The following CHORDC1 variants were observed in gnomAD, a reference collection of about 807,000 sequenced individuals.
The protein encoded by CHORDC1 is cysteine and histidine rich domain containing 1.
In CHORDC1, 25 loss-of-function variants were observed where a neutral mutation model predicts 48.3. The observed-to-expected ratio is 0.52, with a 90% CI of 0.38 to 0.72. The LOEUF (loss-of-function observed/expected upper bound fraction) is 0.72. Among genes scored for constraint, CHORDC1 ranks in the 30% least tolerant of loss-of-function variants. The probability of loss-of-function intolerance (pLI) is 0.00; values close to 1 mark genes in which losing one functional copy is unlikely to be tolerated. For synonymous variants in CHORDC1, 128 were observed against 126.4 expected, an observed-to-expected ratio of 1.01 and a Z score of -0.09; for missense variants, 317 against 388.7, an observed-to-expected ratio of 0.82 and a Z score of 1.55.
intron 7 of CHORDC1, 179 bp from the exon 8 acceptor site, chr11:90,205,744 AG>A (rs1857663156): frequency 7.1e-6 from 4 of 564,464 alleles, no homozygotes; most frequent in Non-Finnish European, 3.1e-6. Context: ...GTGGAAACAG[AG>A]TGGAAGATTT....
At chr11:90,219,971 C>T (rs1261953439) in intron 1 of CHORDC1, among the ~76,000 whole-genome samples, 1 of 152,182 alleles carries the variant, frequency 6.6e-6, no homozygotes, top group African/African-American at 2.4e-5. Context: ...TCCAACATGC[C>T]GCCCCAGACA....
At position 90,201,365 on chromosome 11, in the gene CHORDC1, A is replaced by C. The variant is rs1857539564; in HGVS notation, c.*1040T>G. 1 of 151,890 alleles carries C rather than the reference A, an allele frequency of 6.6e-6. No homozygotes were observed. Among genetic ancestry groups the C allele is most frequent in the African/African-American group, 2.4e-5 (1 of 41,412 alleles). The allele number at this position is 151,890 out of a possible 1,614,324, so 9.4% of individuals were successfully genotyped here. On this transcript the variant is annotated 3_prime_UTR_variant, in exon 11 of 11. Transcript: ENST00000320585. ...CAAACGATCTAATTCTGTATTACCTATATTTAATATAAAGTACAATATATA... is the reference window on the plus strand; with the variant it reads ...CAAACGATCTAATTCTGTATTACCTCTATTTAATATAAAGTACAATATATA...
At chr11:90,206,783 G>T in intron 6 of CHORDC1, 2 of 1,288,058 alleles carry the variant, frequency 1.6e-6, no homozygotes, top group Non-Finnish European at 2.0e-6. Flanking sequence ...GGAAGATCCG[G>T]GCCCCATTGC....
intron 6 of CHORDC1, chr11:90,209,306 C>T (rs1857793287): frequency 6.6e-6 from 1 of 152,136 alleles, no homozygotes; most frequent in African/African-American, 2.4e-5. Context: ...CCCTTCACAT[C>T]GAATCCATTA....
chr11:90,218,992 C>A (rs1015590845), intron 1 of CHORDC1, among the ~76,000 whole-genome samples: 1 of 151,324 alleles, frequency 6.6e-6, no homozygotes, highest in African/African-American at 2.4e-5. Flanking sequence ...CTAGGTGGGC[C>A]TGGTGGCTCA....
At chr11:90,214,225 A>G (rs1421985024) in intron 3 of CHORDC1, 50 bp from the exon 4 acceptor site, 3 of 1,330,570 alleles carry the variant, frequency 2.3e-6, no homozygotes, top group Non-Finnish European at 1.0e-6. Context: ...ACATTTCATG[A>G]TAGAAATATT....
chr11:90,214,039 A>G lies in CHORDC1; in HGVS notation c.308T>C (p.Val103Ala). 1.2e-6 allele frequency: 2 copies of G among 1,611,686 alleles called. No individual in the cohort carries two copies. Among genetic ancestry groups the G allele is most frequent in the Non-Finnish European group, 1.7e-6 (2 of 1,179,070 alleles). ...QEHIIQAPKP[V>A]EAIKRPSPDE... Reference sequence around the variant, plus strand: ...ATACCTTGGTCTTTTTATTGCTTCTACTGGCTTAGGGGCTTGAATGATGTG... The same window carrying G: ...ATACCTTGGTCTTTTTATTGCTTCTGCTGGCTTAGGGGCTTGAATGATGTG... Residue 103 changes from valine to alanine, a missense_variant, in exon 4 of 11, where the codon GTA becomes GCA. By Grantham distance (64) the Val-to-Ala change is moderately conservative. Transcript: ENST00000320585.
At chr11:90,220,221 T>C (rs534360641) in intron 1 of CHORDC1, among the ~76,000 whole-genome samples, 4 of 152,194 alleles carry the variant, frequency 2.6e-5, no homozygotes, top group Non-Finnish European at 5.9e-5. Flanking sequence ...CAAAATTTAC[T>C]ACTGGTGCTC....
intron 1 of CHORDC1, chr11:90,222,607 G>A (rs1053876722): frequency 1.5e-5 from 10 of 650,848 alleles, no homozygotes; most frequent in Admixed American, 1.0e-4. Flanking sequence ...CGACTTAAAA[G>A]GAGTGCGGGG....
intron 1 of CHORDC1, among the ~76,000 whole-genome samples, chr11:90,220,614 C>T (rs1858144016): frequency 6.6e-6 from 1 of 152,170 alleles, no homozygotes; most frequent in South Asian, 2.1e-4. Flanking sequence ...AACCATACAA[C>T]TAACATGAAC....
intron 1 of CHORDC1, 50 bp downstream of exon 1, chr11:90,222,841 C>A: frequency 6.5e-7 from 1 of 1,543,716 alleles, no homozygotes. Flanking sequence ...AAGGGCCTCC[C>A]CTGCTGATGA....
chr11:90,210,927 A>G (rs1857843260), intron 5 of CHORDC1: 1 of 308,160 alleles, frequency 3.2e-6, no homozygotes. Context: ...TGTACAAGAA[A>G]ACATTTTAAA....
Position 90,206,184 on chromosome 11 carries a change from A to C in CHORDC1, c.563+18T>G, listed in dbSNP as rs778522685. 2.2e-6 allele frequency: 3 copies of C among 1,354,174 alleles called. No homozygotes were observed. The African/African-American group carries it at 4.3e-5, about 19-fold the overall frequency. 83.9% of individuals were successfully genotyped at this position (1,354,174 alleles called of 1,614,324 possible). On this transcript the variant is annotated intron_variant, in intron 7 of 10. Transcript: ENST00000320585. ...AAATTCTACCATAAACTATTTTAATAAGTCATGCATAAGTTACCCCTCATG... is the reference window on the plus strand; with the variant it reads ...AAATTCTACCATAAACTATTTTAATCAGTCATGCATAAGTTACCCCTCATG...
intron 7 of CHORDC1, 93 bp downstream of exon 7, chr11:90,206,109 A>T (rs1857674538): frequency 1.2e-6 from 1 of 805,786 alleles, no homozygotes; most frequent in Non-Finnish European, 2.2e-6. Context: ...AAAATGCCTA[A>T]TAACACTGCA....
intron 1 of CHORDC1, among the ~76,000 whole-genome samples, chr11:90,220,411 T>C (rs915314620): frequency 2.0e-5 from 3 of 151,718 alleles, no homozygotes; most frequent in Non-Finnish European, 2.9e-5. Context: ...AAAAAGGAGG[T>C]TGGAAGTAGA....
At chr11:90,219,845 G>A (rs10501713) in intron 1 of CHORDC1, among the ~76,000 whole-genome samples, 21,002 of 152,168 alleles carry the variant, frequency 0.14, 1,818 homozygotes, top group Middle Eastern at 0.22. Context: ...GCAAGATGGA[G>A]TACTATATTT....
In CHORDC1 at chr11:90,215,249, G is replaced by C; in HGVS notation, c.115-19C>G. On this transcript the variant is annotated intron_variant, in intron 2 of 10. Coordinates refer to ENST00000320585, the MANE Select transcript of CHORDC1 (RefSeq NM_012124.3). ...ACCAACCCTATGAAAAACAAGAGAA[G>C]GAAACTAAAAACTCTATTTGCATGA... is the stretch of plus-strand genomic sequence containing the variant. The C allele has an allele frequency of 6.6e-7, 1 of 1,517,048 alleles. No homozygotes were observed. Among genetic ancestry groups the C allele is most frequent in the South Asian group, 1.3e-5 (1 of 79,216 alleles). The allele number at this position is 1,517,048 out of a possible 1,614,324, so 94.0% of individuals were successfully genotyped here. A position where few individuals can be genotyped will look rare whatever the true frequency, so the allele number is the denominator to read the frequency against.
At chr11:90,213,847 T>A (rs1218750924) in intron 4 of CHORDC1, 171 bp downstream of exon 4, 1 of 569,870 alleles carries the variant, frequency 1.8e-6, no homozygotes, top group Non-Finnish European at 3.1e-6. Flanking sequence ...TGCTCTCAAG[T>A]TGAAGAGAAA....
rs751455625 is a variant in CHORDC1 at position 90,205,479 on chromosome 11, A to G, written c.650T>C (p.Met217Thr). 7 of 1,604,642 alleles carry G rather than the reference A, an allele frequency of 4.4e-6. No homozygotes were observed. The highest frequency in any genetic ancestry group is 1.1e-5 in the South Asian group (1 of 89,164). Reference protein sequence around the residue: ...AQEGCTKGKHMWTKKDAGKKV... With the variant: ...AQEGCTKGKHTWTKKDAGKKV... Reference sequence around the variant, plus strand: ...ACTTACAGCATCTTTTTTAGTCCACATGTGTTTCCCTTTTGTACAGCCCTC... The same window carrying G: ...ACTTACAGCATCTTTTTTAGTCCACGTGTGTTTCCCTTTTGTACAGCCCTC... The change falls in exon 8 of 11, where the codon ATG becomes ACG. Residue 217 changes from methionine (M) to threonine (T), a missense_variant. Met to Thr is a moderately conservative substitution (Grantham distance 81). Transcript: ENST00000320585.
Sources: allele counts gnomAD v4.1 joint callset (sites outside exome capture counted in the v4.1 genomes callset), GRCh38; gene constraint gnomAD v4.1.1; transcripts MANE v1.5; gene names NCBI Gene and HGNC (gene_info 2026-07-23, HGNC 2026-07-21).